Variants in BNC2 observed in about 807,000 individuals in gnomAD.
The protein encoded by BNC2 is basonuclin zinc finger protein 2.
BNC2 carries 20 observed loss-of-function variants against 76.3 expected under a neutral mutation model. The observed-to-expected ratio is 0.26, with a 90% CI of 0.18 to 0.38. The LOEUF is 0.38. Ranked by LOEUF, BNC2 falls within the 10% of genes least tolerant of loss-of-function variation. The pLI is 1.00. For missense variants in BNC2, 1,382 were observed against 1,399.8 expected (o/e 0.99, Z 0.20); for synonymous variants, 582 against 514.8 (o/e 1.13, Z -1.77).
rs146352527 is a variant in BNC2 at position 16,477,295 on chromosome 9, G to A, written c.670-39771C>T. Among the ~76,000 whole-genome samples, 9 of 151,906 alleles carry A rather than the reference G, an allele frequency of 5.9e-5. 1 individual carries two copies. The East Asian group carries it at 1.2e-3, about 20-fold the overall frequency. On this transcript the variant is annotated intron_variant, in intron 5 of 6. Coordinates refer to ENST00000380672, the MANE Select transcript of BNC2 (RefSeq NM_017637.6). ...AATTTTAAAACTATCATGCAGCTTCGGAATACTCTTTGATTACCTTTAGGG... is the reference window on the plus strand; with the variant it reads ...AATTTTAAAACTATCATGCAGCTTCAGAATACTCTTTGATTACCTTTAGGG...
intron 3 of BNC2, among the ~76,000 whole-genome samples, chr9:16,586,786 G>A (rs184541543): frequency 1.3e-5 from 2 of 152,148 alleles, no homozygotes; most frequent in African/African-American, 4.8e-5. Flanking sequence ...GTGTCCCTGT[G>A]ATCAAGGACT....
intron 3 of BNC2, among the ~76,000 whole-genome samples, chr9:16,708,805 A>G (rs899631903): frequency 6.6e-6 from 1 of 152,076 alleles, no homozygotes; most frequent in Non-Finnish European, 1.5e-5. Flanking sequence ...ACAACAAAAC[A>G]GTGGATCAGG....
At chr9:16,812,062 G>T (rs933653958) in intron 1 of BNC2, among the ~76,000 whole-genome samples, 1 of 152,230 alleles carries the variant, frequency 6.6e-6, no homozygotes, top group Non-Finnish European at 1.5e-5. Context: ...CTGATCAGCT[G>T]CAGGGGAATG....
At chr9:16,857,480 TAAAA>T (rs60082380) in intron 1 of BNC2, among the ~76,000 whole-genome samples, 2 of 75,674 alleles carry the variant, frequency 2.6e-5, no homozygotes, top group African/African-American at 9.8e-5. Context: ...CTGTCTCAAA[TAAAA>T]AAAAAAAAAA....
chr9:16,495,235 T>A (rs1201589463), intron 5 of BNC2, among the ~76,000 whole-genome samples: 1 of 152,222 alleles, frequency 6.6e-6, no homozygotes, highest in Non-Finnish European at 1.5e-5. Flanking sequence ...TCATTGGCTT[T>A]CTTGGCCTAA....
intron 1 of BNC2, among the ~76,000 whole-genome samples, chr9:16,810,808 G>A (rs1006034918): frequency 2.6e-5 from 4 of 152,214 alleles, no homozygotes; most frequent in Non-Finnish European, 5.9e-5. Flanking sequence ...TAGACAAGGT[G>A]TTGCTAGACC....
intron 1 of BNC2, among the ~76,000 whole-genome samples, chr9:16,868,993 C>G (rs770297988): frequency 2.6e-5 from 4 of 152,264 alleles, no homozygotes; most frequent in Non-Finnish European, 5.9e-5. Flanking sequence ...ACAGGCTTAG[C>G]CACAGTTCAA....
rs1482894569 is a variant in BNC2 at position 16,539,622 on chromosome 9, G to T, written c.669+12908C>A. Among the ~76,000 whole-genome samples the T allele has an allele frequency of 5.1e-5, 3 of 59,394 alleles. No individual in the cohort carries two copies. In the East Asian group the frequency reaches 1.3e-3, roughly 27 times the overall value. The allele number at this position is 59,394 out of a possible 152,430, so 39.0% of individuals were successfully genotyped here. ...CGAGGGAGGGAGAGAGAGAGAGAAG[G>T]GAGGGAGGGAGCGAGGGAGGGAGAG... On this transcript the variant is annotated intron_variant, in intron 5 of 6. Transcript: ENST00000380672.
intron 1 of BNC2, among the ~76,000 whole-genome samples, chr9:16,743,253 C>T (rs922088239): frequency 2.0e-5 from 3 of 152,152 alleles, no homozygotes; most frequent in African/African-American, 7.2e-5. Flanking sequence ...CTTTCTGCTA[C>T]ATGCATAGCA....
At chr9:16,469,461 G>A (rs368903422) in intron 5 of BNC2, among the ~76,000 whole-genome samples, 93 of 152,226 alleles carry the variant, frequency 6.1e-4, no homozygotes, top group South Asian at 4.8e-3. Context: ...AGTGGCTTTC[G>A]CCTCTCACCA....
At chr9:16,578,032 TA>T (rs869124093) in intron 4 of BNC2, among the ~76,000 whole-genome samples, 9 of 151,140 alleles carry the variant, frequency 6.0e-5, no homozygotes, top group East Asian at 2.0e-4. Context: ...ACAGTGGAAT[TA>T]AAAAAAAATT....
At chr9:16,768,230 T>C (rs1825746515) in intron 1 of BNC2, among the ~76,000 whole-genome samples, 1 of 151,950 alleles carries the variant, frequency 6.6e-6, no homozygotes, top group African/African-American at 2.4e-5. Flanking sequence ...CGTCCCAAAG[T>C]GCTAGGATTA....
intron 3 of BNC2, among the ~76,000 whole-genome samples, chr9:16,692,682 A>G (rs1823209594): frequency 6.6e-6 from 1 of 152,176 alleles, no homozygotes; most frequent in African/African-American, 2.4e-5. Flanking sequence ...GGAATATTAT[A>G]AGCAACTGGG....
chr9:16,736,141 G>A (rs1298156404), intron 2 of BNC2, among the ~76,000 whole-genome samples: 1 of 151,598 alleles, frequency 6.6e-6, no homozygotes, highest in East Asian at 2.0e-4. Context: ...AGCTGAGGCA[G>A]GAGAATCACT....
intron 1 of BNC2, among the ~76,000 whole-genome samples, chr9:16,748,149 A>C (rs919086899): frequency 6.6e-6 from 1 of 152,210 alleles, no homozygotes; most frequent in Non-Finnish European, 1.5e-5. Flanking sequence ...AGAGAGTAGA[A>C]AAGAAAAACT....
intron 3 of BNC2, among the ~76,000 whole-genome samples, chr9:16,659,657 G>A (rs58108882): frequency 2.0e-5 from 3 of 149,892 alleles, no homozygotes; most frequent in Non-Finnish European, 4.4e-5. Context: ...CAGGGTCTTT[G>A]TCATTGTTGT....
At chr9:16,682,335 G>A (rs901701262) in intron 3 of BNC2, among the ~76,000 whole-genome samples, 10 of 111,470 alleles carry the variant, frequency 9.0e-5, no homozygotes, top group African/African-American at 4.3e-4. Context: ...CATAGTGATC[G>A]ACAGACTTCG....
chr9:16,721,836 G>A (rs1824166112), intron 3 of BNC2, among the ~76,000 whole-genome samples: 1 of 152,130 alleles, frequency 6.6e-6, no homozygotes, highest in Non-Finnish European at 1.5e-5. Flanking sequence ...TTAATTCCTA[G>A]ATCGATTCAA....
chr9:16,635,785 C>T (rs1222370766), intron 3 of BNC2, among the ~76,000 whole-genome samples: 1 of 152,126 alleles, frequency 6.6e-6, no homozygotes, highest in Non-Finnish European at 1.5e-5. Context: ...GATTTGGTGC[C>T]TAGAGGCCAT....
Sources: allele counts gnomAD v4.1 joint callset (sites outside exome capture counted in the v4.1 genomes callset), GRCh38; gene constraint gnomAD v4.1.1; transcripts MANE v1.5; gene names NCBI Gene and HGNC (gene_info 2026-07-23, HGNC 2026-07-21).